Variants in GPATCH1 observed in about 807,000 individuals in gnomAD.
GPATCH1 encodes the protein G-patch domain containing 1.
GPATCH1 carries 73 observed loss-of-function variants against 114.9 expected under a neutral mutation model. The observed-to-expected ratio is 0.64, with a 90% CI of 0.53 to 0.77. GPATCH1 has a LOEUF of 0.77. Among genes scored for constraint, GPATCH1 ranks in the 30% least tolerant of loss-of-function variants. The pLI, the probability that GPATCH1 is intolerant of heterozygous loss-of-function variation, is 0.00. For synonymous variants in GPATCH1, 391 were observed against 428.4 expected (o/e 0.91, Z 1.08); for missense variants, 1,058 against 1,144.3 (o/e 0.92, Z 1.09).
At position 33,088,123 on chromosome 19, in the gene GPATCH1, T is replaced by C. The variant is rs1172339257; in HGVS notation, c.74-11T>C. ...TTTCATTTAAAAAACTTTTTTTTTT[T>C]TTTTTTTTAGGTGAAAGACCAAAGA... On this transcript the variant is annotated splice_polypyrimidine_tract_variant and intron_variant, in intron 1 of 19. Coordinates refer to ENST00000170564, the MANE Select transcript of GPATCH1 (RefSeq NM_018025.3). The C allele has an allele frequency of 2.1e-6, 3 of 1,443,386 alleles. No individual in the cohort carries two copies. Among genetic ancestry groups the C allele is most frequent in the African/African-American group, 1.4e-5 (1 of 69,110 alleles). 89.4% of individuals were successfully genotyped at this position (1,443,386 alleles called of 1,614,324 possible).
At position 33,114,297 on chromosome 19, in the gene GPATCH1, A is replaced by C. The variant is rs1320040294; in HGVS notation, c.2074A>C (p.Lys692Gln). Residue 692 changes from lysine to glutamine, a missense_variant, in exon 15 of 20, where the codon AAA becomes CAA. Lys to Gln is a moderately conservative substitution (Grantham distance 53). This residue lies in a region of GPATCH1 where 893 missense variants were observed against 977.4 expected (regional missense o/e 0.91). Coordinates refer to ENST00000170564, the MANE Select transcript of GPATCH1 (RefSeq NM_018025.3). ...ATGGGATACCTCTAAACACGAAAAGAAAGAAGATTCCATTAGTGAATTTTT... is the reference window on the plus strand; with the variant it reads ...ATGGGATACCTCTAAACACGAAAAGCAAGAAGATTCCATTAGTGAATTTTT... ...SRWDTSKHEK[K>Q]EDSISEFLSL... 3 of 1,613,528 alleles carry C rather than the reference A, an allele frequency of 1.9e-6. No individual in the cohort carries two copies. The highest frequency in any genetic ancestry group is 3.3e-5 in the Admixed American group (2 of 59,890).
chr19:33,088,562 G>C (rs1972559962), intron 2 of GPATCH1, among the ~76,000 whole-genome samples: 3 of 151,412 alleles, frequency 2.0e-5, no homozygotes, highest in Non-Finnish European at 4.4e-5. Context: ...TGTTGGCCAG[G>C]CTGGTCTCAA....
chr19:33,125,071 T>C (rs1973024915), intron 17 of GPATCH1, 34 bp from the exon 18 acceptor site: 1 of 1,569,604 alleles, frequency 6.4e-7, no homozygotes, highest in Non-Finnish European at 8.6e-7. Flanking sequence ...TTTCGTGCTA[T>C]ATAGGTCCTG....
At chr19:33,090,410 T>G (rs990286854) in intron 2 of GPATCH1, among the ~76,000 whole-genome samples, 5 of 152,228 alleles carry the variant, frequency 3.3e-5, no homozygotes, top group African/African-American at 7.2e-5. Flanking sequence ...ACATCATTTC[T>G]TTAGATATGT....
chr19:33,105,013 A>G (rs970973935), intron 9 of GPATCH1, among the ~76,000 whole-genome samples: 2 of 152,120 alleles, frequency 1.3e-5, no homozygotes, highest in Non-Finnish European at 2.9e-5. Context: ...AATTTCCCAA[A>G]CAGATTTTCA....
rs759076275 is a variant in GPATCH1, at chr19:33,095,667, G to A, written c.554-95G>A. 212 of 818,902 alleles carry A rather than the reference G, an allele frequency of 2.6e-4. 1 individual carries two copies. The highest frequency in any genetic ancestry group is 4.2e-4 in the Non-Finnish European group (194 of 461,332). The allele number at this position is 818,902 out of a possible 1,614,324, so 50.7% of individuals were successfully genotyped here. On this transcript the variant is annotated intron_variant, in intron 5 of 19. Coordinates refer to ENST00000170564, the MANE Select transcript of GPATCH1 (RefSeq NM_018025.3). ...TCCTCTCACCTCAGCCTCCCAGAGT[G>A]CTGGGATTACAGGTGTGATCCACCG...
intron 3 of GPATCH1, among the ~76,000 whole-genome samples, chr19:33,091,581 G>C (rs1208880261): frequency 6.6e-6 from 1 of 151,866 alleles, no homozygotes; most frequent in Admixed American, 6.6e-5. Flanking sequence ...ACCTGGTCGC[G>C]GATTCACCCA....
intron 10 of GPATCH1, among the ~76,000 whole-genome samples, chr19:33,108,006 C>CG (rs1972806240): frequency 6.6e-6 from 1 of 152,026 alleles, no homozygotes; most frequent in South Asian, 2.1e-4. Context: ...CCCGCTTCCC[C>CG]GGGAGGCCTA....
intron 3 of GPATCH1, among the ~76,000 whole-genome samples, chr19:33,092,449 C>T (rs1222352395): frequency 1.3e-5 from 2 of 152,160 alleles, no homozygotes; most frequent in African/African-American, 4.8e-5. Flanking sequence ...CCATTCCTAA[C>T]GCAGTCCCTG....
chr19:33,126,849 G>T (rs1311777554), intron 19 of GPATCH1, 116 bp downstream of exon 19: 2 of 862,264 alleles, frequency 2.3e-6, no homozygotes, highest in African/African-American at 1.7e-5. Context: ...GGGTGCAGTG[G>T]CTCACGCCTA....
chr19:33,081,374 C>G, intron 1 of GPATCH1, 108 bp downstream of exon 1: 4 of 853,844 alleles, frequency 4.7e-6, no homozygotes, highest in Non-Finnish European at 5.5e-6. Context: ...TCGTTCCCAG[C>G]GCTGGGAACA....
At chr19:33,121,458 T>G (rs533758348) in intron 17 of GPATCH1, among the ~76,000 whole-genome samples, 1 of 152,018 alleles carries the variant, frequency 6.6e-6, no homozygotes, top group Non-Finnish European at 1.5e-5. Flanking sequence ...TAGCTGGGAT[T>G]ACAGGCATGT....
chr19:33,118,935 A>C (rs895681769), intron 16 of GPATCH1, 75 bp from the exon 17 acceptor site: 2 of 864,290 alleles, frequency 2.3e-6, no homozygotes, highest in African/African-American at 3.4e-5. Flanking sequence ...ATCTGGTGGC[A>C]AAAGACATGA....
chr19:33,127,637 T>A (rs561056317), intron 19 of GPATCH1, among the ~76,000 whole-genome samples: 15 of 152,270 alleles, frequency 9.9e-5, no homozygotes, highest in Non-Finnish European at 1.9e-4. Flanking sequence ...CAGTTTCATA[T>A]GTAACCTTTA....
chr19:33,115,481 A>G (rs899232649), intron 15 of GPATCH1, among the ~76,000 whole-genome samples: 2 of 148,126 alleles, frequency 1.4e-5, no homozygotes, highest in African/African-American at 2.5e-5. Context: ...CTGTTTCATT[A>G]TATTTAAAGT....
chr19:33,087,097 T>A (rs1416945186), intron 1 of GPATCH1, among the ~76,000 whole-genome samples: 1 of 152,202 alleles, frequency 6.6e-6, no homozygotes, highest in East Asian at 1.9e-4. Context: ...ATTTTACAGA[T>A]AAGTAAATTG....
At chr19:33,123,600 A>G (rs1404995337) in intron 17 of GPATCH1, among the ~76,000 whole-genome samples, 1 of 152,050 alleles carries the variant, frequency 6.6e-6, no homozygotes. Flanking sequence ...AAAAATTAAA[A>G]AATTAGCCGG....
At position 33,081,222 on chromosome 19, in the gene GPATCH1, A is replaced by G. The variant is rs768683745; in HGVS notation, c.29A>G (p.Glu10Gly). MAARDSDSE[E>G]DLVSYGTGLE... ...GCGGCGCGGGACAGTGACAGCGAAG[A>G]AGATCTGGTCAGCTATGGGACCGGG... Residue 10 changes from glutamate (E) to glycine (G), a missense_variant, in exon 1 of 20, where the codon GAA (glutamate) becomes GGA (glycine). Glu to Gly is a moderately conservative substitution (Grantham distance 98). Around this residue, in one of 3 missense-constraint regions of GPATCH1, gnomAD observed 131 missense variants for 107.2 expected, o/e 1.22. Coordinates refer to ENST00000170564, the MANE Select transcript of GPATCH1 (RefSeq NM_018025.3). 94 of 1,551,682 alleles carry G rather than the reference A, an allele frequency of 6.1e-5. No individual in the cohort carries two copies. The highest frequency in any genetic ancestry group is 7.8e-5 in the Non-Finnish European group (89 of 1,147,088).
intron 3 of GPATCH1, among the ~76,000 whole-genome samples, chr19:33,093,120 G>A (rs1972615097): frequency 6.6e-6 from 1 of 152,062 alleles, no homozygotes; most frequent in African/African-American, 2.4e-5. Context: ...CCCGGGAGGC[G>A]GAGGTTGCAG....
Sources: allele counts gnomAD v4.1 joint callset (sites outside exome capture counted in the v4.1 genomes callset), GRCh38; gene constraint gnomAD v4.1.1; regional missense constraint gnomAD v4.1.1; transcripts MANE v1.5; gene names NCBI Gene and HGNC (gene_info 2026-07-23, HGNC 2026-07-21).